The following KCNH1 variants were observed in gnomAD, a reference collection of about 807,000 sequenced individuals.
KCNH1 encodes the protein potassium voltage-gated channel subfamily H member 1, also known as voltage-gated delayed rectifier potassium channel KCNH1.
Under a neutral mutation model 69.2 loss-of-function variants are expected in KCNH1, and 27 were observed. That is an observed-to-expected ratio of 0.39 (90% CI 0.29 to 0.54). KCNH1 has a LOEUF of 0.54. KCNH1 is among the 20% of genes least tolerant of loss of function. The probability of loss-of-function intolerance (pLI) is 0.68; values close to 1 mark genes in which losing one functional copy is unlikely to be tolerated. For missense variants in KCNH1, 798 were observed against 1,261.6 expected (o/e 0.63, Z 5.57); for synonymous variants, 456 against 487.7 (o/e 0.93, Z 0.86).
chr1:211,043,181 G>T (rs2102433522), intron 5 of KCNH1, among the ~76,000 whole-genome samples: 1 of 152,182 alleles, frequency 6.6e-6, no homozygotes, highest in South Asian at 2.1e-4. Flanking sequence ...TCTTTGAAAA[G>T]ATAAATAAAA....
rs116303502 is a variant in KCNH1 at position 210,918,713 on chromosome 1, T to G, written c.1462+927A>C. Among the ~76,000 whole-genome samples the G allele has an allele frequency of 3.2e-3, 490 of 152,302 alleles. 4 individuals are homozygous for G. The highest frequency in any genetic ancestry group is 0.011 in the African/African-American group (469 of 41,554). On this transcript the variant is annotated intron_variant, in intron 7 of 10. Coordinates refer to ENST00000271751, the MANE Select transcript of KCNH1 (RefSeq NM_172362.3). ...TGAACAAGGGCCTTTCTTCCCTCTGTGTCTGTGGATTTGTTTTTGAGTTGG... is the reference window on the plus strand; with the variant it reads ...TGAACAAGGGCCTTTCTTCCCTCTGGGTCTGTGGATTTGTTTTTGAGTTGG...
Position 210,797,834 on chromosome 1 carries a change from G to C in KCNH1, c.1663-74C>G, listed in dbSNP as rs187962652. On this transcript the variant is annotated intron_variant, in intron 8 of 10. Coordinates refer to ENST00000271751, the MANE Select transcript of KCNH1 (RefSeq NM_172362.3). ...CAGCCCACATCCTTCAGCACTCTAG[G>C]GGGAGGAGCAACATCCACTACGCCA... 683 of 1,530,364 alleles carry C rather than the reference G, an allele frequency of 4.5e-4. 2 individuals are homozygous for C. The African/African-American group carries it at 8.3e-3, about 19-fold the overall frequency. 94.8% of individuals were successfully genotyped at this position (1,530,364 alleles called of 1,614,324 possible).
At chr1:210,761,465 A>G (rs907957436) in intron 10 of KCNH1, among the ~76,000 whole-genome samples, 1 of 152,182 alleles carries the variant, frequency 6.6e-6, no homozygotes, top group Admixed American at 6.5e-5. Flanking sequence ...GATTAAAAAA[A>G]CAAGACTCAT....
intron 5 of KCNH1, among the ~76,000 whole-genome samples, chr1:211,031,242 C>T (rs1689778574): frequency 6.6e-6 from 1 of 152,056 alleles, no homozygotes; most frequent in African/African-American, 2.4e-5. Context: ...GAAATTGAGG[C>T]AATAATTAAT....
At chr1:210,964,786 G>T (rs2102360469) in intron 6 of KCNH1, among the ~76,000 whole-genome samples, 1 of 152,224 alleles carries the variant, frequency 6.6e-6, no homozygotes, top group East Asian at 1.9e-4. Context: ...AAACCTGGCA[G>T]AGACACAACA....
chr1:211,091,239 T>C (rs1269732377), intron 3 of KCNH1, among the ~76,000 whole-genome samples: 1 of 152,150 alleles, frequency 6.6e-6, no homozygotes, highest in African/African-American at 2.4e-5. Context: ...TGGAGTACAA[T>C]GGTGCAATCT....
chr1:210,865,386 C>T (rs892723220), intron 7 of KCNH1, among the ~76,000 whole-genome samples: 1 of 152,176 alleles, frequency 6.6e-6, no homozygotes, highest in Non-Finnish European at 1.5e-5. Flanking sequence ...AGTTTTTAAG[C>T]ACCAAAGCAG....
chr1:210,722,946 A>C (rs1478836187), intron 10 of KCNH1, among the ~76,000 whole-genome samples: 1 of 152,216 alleles, frequency 6.6e-6, no homozygotes. Context: ...GCTGGGGTTA[A>C]TGTGCTTCCC....
At chr1:210,916,126 C>G (rs1006749722) in intron 7 of KCNH1, among the ~76,000 whole-genome samples, 6 of 151,990 alleles carry the variant, frequency 3.9e-5, no homozygotes, top group Non-Finnish European at 8.8e-5. Context: ...CAGTCTAATC[C>G]CATGAGCTGT....
intron 7 of KCNH1, among the ~76,000 whole-genome samples, chr1:210,882,607 T>G (rs1686520641): frequency 6.6e-6 from 1 of 152,180 alleles, no homozygotes; most frequent in Non-Finnish European, 1.5e-5. Flanking sequence ...CTTTTAAGAC[T>G]AGAAGAGGAA....
intron 10 of KCNH1, among the ~76,000 whole-genome samples, chr1:210,695,027 T>G (rs558344767): frequency 1.3e-5 from 2 of 152,368 alleles, no homozygotes; most frequent in Non-Finnish European, 2.9e-5. Flanking sequence ...ATATAGTGTT[T>G]GCTTCTCCTT....
chr1:210,862,045 T>C, intron 7 of KCNH1: 1 of 787,738 alleles, frequency 1.3e-6, no homozygotes, highest in South Asian at 1.3e-5. Flanking sequence ...TGGAATAGTA[T>C]AAGGGGATAT....
intron 7 of KCNH1, among the ~76,000 whole-genome samples, chr1:210,868,274 T>C (rs1229226179): frequency 1.3e-5 from 2 of 152,032 alleles, no homozygotes; most frequent in African/African-American, 2.4e-5. Flanking sequence ...CCAAATCTTT[T>C]GCCTATTTAA....
At chr1:210,811,698 A>G (rs1684708025) in intron 7 of KCNH1, among the ~76,000 whole-genome samples, 1 of 152,192 alleles carries the variant, frequency 6.6e-6, no homozygotes, top group South Asian at 2.1e-4. Context: ...TGTGCCCCAT[A>G]TGAAAGTGAA....
intron 7 of KCNH1, among the ~76,000 whole-genome samples, chr1:210,873,574 C>T (rs923133360): frequency 1.1e-4 from 16 of 151,956 alleles, no homozygotes; most frequent in Non-Finnish European, 2.4e-4. Flanking sequence ...GGCTTGAACT[C>T]CTGACCTCAG....
chr1:210,735,362 T>C (rs1682850417), intron 10 of KCNH1, among the ~76,000 whole-genome samples: 1 of 152,124 alleles, frequency 6.6e-6, no homozygotes, highest in Non-Finnish European at 1.5e-5. Context: ...TCTCTGTATG[T>C]CTTTTTACAT....
chr1:211,094,616 A>G lies in KCNH1; in HGVS notation c.311-3926T>C, dbSNP rs1170351603. Among the ~76,000 whole-genome samples the G allele has an allele frequency of 4.6e-5, 7 of 152,360 alleles. No homozygotes were observed. In the East Asian group the frequency reaches 1.3e-3, roughly 29 times the overall value. On this transcript the variant is annotated intron_variant, in intron 3 of 10. Transcript: ENST00000271751. ...CCTGGCATTCAATGTAGTATTATGC[A>G]CAGGGTCATGTGAAGCCATTGCATC...
intron 5 of KCNH1, among the ~76,000 whole-genome samples, chr1:211,044,024 A>C (rs1258549050): frequency 1.3e-5 from 2 of 152,152 alleles, no homozygotes; most frequent in African/African-American, 4.8e-5. Context: ...CCCTCTGAAA[A>C]CTGGAACAAG....
intron 6 of KCNH1, among the ~76,000 whole-genome samples, chr1:211,013,284 G>A (rs1045991737): frequency 6.6e-6 from 1 of 152,172 alleles, no homozygotes. Context: ...ACCTAGAGGT[G>A]AGGCCATTCA....
Sources: gnomAD v4.1 joint callset for allele counts (sites outside exome capture counted in the v4.1 genomes callset) on GRCh38, gnomAD v4.1.1 for gene constraint, MANE v1.5 for transcripts, NCBI Gene and HGNC (gene_info 2026-07-23, HGNC 2026-07-21) for gene names.